STK32B: variants seen among roughly 807,000 people sequenced by gnomAD.
STK32B encodes serine/threonine-protein kinase 32B.
STK32B carries 43 observed loss-of-function variants against 52.6 expected under a neutral mutation model. That is an observed-to-expected ratio of 0.82 (90% CI 0.64 to 1.05). The LOEUF is 1.05. Ranked by LOEUF, STK32B falls within the 50% of genes least tolerant of loss-of-function variation. The probability of loss-of-function intolerance (pLI) is 0.00; values close to 1 mark genes in which losing one functional copy is unlikely to be tolerated. For synonymous variants in STK32B, 238 were observed against 204.3 expected (o/e 1.17, Z -1.41); for missense variants, 621 against 534.6 (o/e 1.16, Z -1.59).
chr4:5,262,604 G>A (rs1319608197), intron 3 of STK32B, among the ~76,000 whole-genome samples: 1 of 146,902 alleles, frequency 6.8e-6, no homozygotes, highest in Non-Finnish European at 1.5e-5. Flanking sequence ...CAGCCTGGGC[G>A]ACAGAGCGAG....
intron 1 of STK32B, among the ~76,000 whole-genome samples, chr4:5,133,162 CT>C (rs1412477737): frequency 6.6e-6 from 1 of 152,222 alleles, no homozygotes; most frequent in Non-Finnish European, 1.5e-5. Context: ...GTCAGCTCCC[CT>C]GTTGTAGGTT....
At chr4:5,199,572 TTTAAA>T (rs975567516) in intron 3 of STK32B, among the ~76,000 whole-genome samples, 5 of 152,186 alleles carry the variant, frequency 3.3e-5, no homozygotes, top group African/African-American at 1.2e-4. Context: ...ATTCTATGTC[TTTAAA>T]TTAAATTTTC....
chr4:5,193,155 G>T (rs1560212980), intron 3 of STK32B, among the ~76,000 whole-genome samples: 1 of 152,066 alleles, frequency 6.6e-6, no homozygotes, highest in Non-Finnish European at 1.5e-5. Context: ...TCCGGGGTGG[G>T]CCACTGTCCT....
chr4:5,034,777 G>T, the STK32B span, among the ~76,000 whole-genome samples: 2 of 152,274 alleles, frequency 1.3e-5, no homozygotes, highest in Non-Finnish European at 2.9e-5. Flanking sequence ...GGCTGGAGGG[G>T]CATCCTGGAT....
At chr4:5,291,688 A>G (rs1728900083) in intron 3 of STK32B, among the ~76,000 whole-genome samples, 1 of 152,048 alleles carries the variant, frequency 6.6e-6, no homozygotes, top group Non-Finnish European at 1.5e-5. Flanking sequence ...TACAGTGTTG[A>G]GTAGAAGTGG....
chr4:5,468,168 G>T, intron 11 of STK32B, 98 bp downstream of exon 11: 1 of 1,250,556 alleles, frequency 8.0e-7, no homozygotes, highest in African/African-American at 1.5e-5. Context: ...AACCGGCCTT[G>T]ACGACAAAAG....
intron 11 of STK32B, among the ~76,000 whole-genome samples, chr4:5,484,216 G>A (rs1477435410): frequency 6.6e-6 from 1 of 152,030 alleles, no homozygotes; most frequent in Non-Finnish European, 1.5e-5. Context: ...TTATTGTGTT[G>A]GTGTCTCAGT....
At chr4:5,316,389 ATATAT>A (rs1730746376) in intron 3 of STK32B, among the ~76,000 whole-genome samples, 2 of 36,184 alleles carry the variant, frequency 5.5e-5, no homozygotes, top group South Asian at 1.8e-3. Flanking sequence ...TATATATATA[ATATAT>A]TACATATATA....
the STK32B span, among the ~76,000 whole-genome samples, chr4:5,039,330 C>T: frequency 6.6e-6 from 1 of 152,116 alleles, no homozygotes; most frequent in African/African-American, 2.4e-5. Flanking sequence ...AATCTATAAG[C>T]GTTTTTCTAC....
chr4:5,341,734 T>C (rs1373266121), intron 4 of STK32B, among the ~76,000 whole-genome samples: 1 of 152,172 alleles, frequency 6.6e-6, no homozygotes, highest in Non-Finnish European at 1.5e-5. Flanking sequence ...TGCTGGCATC[T>C]GTTCGGCTTC....
At chr4:5,179,185 G>T (rs757109088) in intron 3 of STK32B, among the ~76,000 whole-genome samples, 9 of 152,218 alleles carry the variant, frequency 5.9e-5, no homozygotes, top group Admixed American at 2.0e-4. Flanking sequence ...TTGAGTGAGT[G>T]CCAGTGGGGA....
At position 5,395,956 on chromosome 4, in the gene STK32B, A is replaced by G. The variant is rs1736859934; in HGVS notation, c.435-2251A>G. Among the ~76,000 whole-genome samples, 1 of 152,078 alleles carries G rather than the reference A, an allele frequency of 6.6e-6. No individual in the cohort carries two copies. ...GACAATGTGCGCCGGTGCAATGTGG[A>G]TGTGGGGGCGTGGCCAGGCCCTGGG... is the stretch of plus-strand genomic sequence containing the variant. On this transcript the variant is annotated intron_variant, in intron 4 of 11. Transcript: ENST00000282908. The surrounding 1 kb of genome is among the most constrained non-coding windows in gnomAD (Gnocchi z 4.4).
chr4:5,240,016 C>A (rs1724903259), intron 3 of STK32B, among the ~76,000 whole-genome samples: 1 of 151,932 alleles, frequency 6.6e-6, no homozygotes, highest in African/African-American at 2.4e-5. Context: ...TCCCATCTCT[C>A]TCTCCCTTTT....
At chr4:5,194,867 A>G (rs978413707) in intron 3 of STK32B, among the ~76,000 whole-genome samples, 2 of 152,164 alleles carry the variant, frequency 1.3e-5, no homozygotes, top group Admixed American at 6.6e-5. Context: ...CTTTTAAACA[A>G]TCAGATTTCA....
chr4:5,473,471 TC>T (rs576124271), intron 11 of STK32B, among the ~76,000 whole-genome samples: 1 of 151,910 alleles, frequency 6.6e-6, no homozygotes, highest in African/African-American at 2.4e-5. Context: ...TTATGCTTAT[TC>T]CCCCCCATTT....
intron 1 of STK32B, among the ~76,000 whole-genome samples, chr4:5,113,765 A>G (rs1444236635): frequency 6.6e-6 from 1 of 152,146 alleles, no homozygotes; most frequent in Non-Finnish European, 1.5e-5. Context: ...ATAAAGATAT[A>G]CCCAAGACTG....
At chr4:5,341,243 C>G (rs796586491) in intron 4 of STK32B, among the ~76,000 whole-genome samples, 87 of 152,262 alleles carry the variant, frequency 5.7e-4, no homozygotes, top group African/African-American at 1.8e-3. Context: ...AGCCTCTAAC[C>G]CAAGGTCACA....
intron 5 of STK32B, among the ~76,000 whole-genome samples, chr4:5,410,787 A>G (rs564823631): frequency 6.6e-6 from 1 of 152,336 alleles, no homozygotes; most frequent in South Asian, 2.1e-4. Flanking sequence ...ATAGGATTTG[A>G]CTGCTCAAAG....
rs186940402 is a variant in STK32B, at chr4:5,199,545, C to G, written c.260+31095C>G. On this transcript the variant is annotated intron_variant, in intron 3 of 11. Transcript: ENST00000282908. ...CTGCATGTTCCACATTAGTGAAGCCCACCTTGATAAGATTGTATTCTATGT... is the reference window on the plus strand; with the variant it reads ...CTGCATGTTCCACATTAGTGAAGCCGACCTTGATAAGATTGTATTCTATGT... Among the ~76,000 whole-genome samples the G allele has an allele frequency of 2.0e-3, 305 of 152,024 alleles. 1 individual carries two copies. Among genetic ancestry groups the G allele is most frequent in the African/African-American group, 6.6e-3 (272 of 41,444 alleles).
Sources: gnomAD v4.1 joint callset for allele counts (sites outside exome capture counted in the v4.1 genomes callset) on GRCh38, gnomAD v4.1.1 for gene constraint, Gnocchi (gnomAD v3.1) non-coding constraint, MANE v1.5 for transcripts, NCBI Gene and HGNC (gene_info 2026-07-23, HGNC 2026-07-21) for gene names.